Variants in SOX9 observed in about 807,000 individuals in gnomAD.
SOX9 encodes the protein SRY-box transcription factor 9, also known as transcription factor SOX-9.
In SOX9, 2 loss-of-function variants were observed where a neutral mutation model predicts 44.8. That is an observed-to-expected ratio of 0.04 (90% CI 0.02 to 0.14). The LOEUF is 0.14. Among genes scored for constraint, SOX9 ranks in the 10% least tolerant of loss-of-function variants. The pLI is 1.00. For missense variants in SOX9, 583 were observed against 728.6 expected (o/e 0.80, Z 2.30); for synonymous variants, 381 against 331.8 (o/e 1.15, Z -1.61).
rs2143250793 is a variant in SOX9 at position 72,123,613 on chromosome 17, G to C, written c.756G>C (p.Leu252=). 6.2e-7 allele frequency: 1 copy of C among 1,613,566 alleles called. No homozygotes were observed. The highest frequency in any genetic ancestry group is 1.3e-5 in the African/African-American group (1 of 74,804). ...ACGTGCAGCCGGGCAAGGCTGACCT[G>C]AAGCGAGAGGGGCGCCCCTTGCCAG... The part of the protein sequence containing the change: ...KTDVQPGKAD[L]KREGRPLPEG... Residue 252 remains leucine (L), a synonymous_variant, in exon 3 of 3, where the codon CTG becomes CTC. Coordinates refer to ENST00000245479, the MANE Select transcript of SOX9 (RefSeq NM_000346.4). This position sits in a 1 kb window ranked among gnomAD's most constrained non-coding sequence, Gnocchi z 6.5.
At position 72,123,668 on chromosome 17, in the gene SOX9, C is replaced by G. The variant is rs771635102; in HGVS notation, c.811C>G (p.Arg271Gly). ...GGGCAGACAGCCCCCTATCGACTTCCGCGACGTGGACATCGGCGAGCTGAG... is the reference window on the plus strand; with the variant it reads ...GGGCAGACAGCCCCCTATCGACTTCGGCGACGTGGACATCGGCGAGCTGAG... ...EGGRQPPIDF[R>G]DVDIGELSSD... The change falls in exon 3 of 3, where the codon CGC (arginine) becomes GGC (glycine). Residue 271 changes from arginine (R) to glycine (G), a missense_variant. Transcript: ENST00000245479. This position sits in a 1 kb window ranked among gnomAD's most constrained non-coding sequence, Gnocchi z 6.5. The G allele has an allele frequency of 1.2e-6, 2 of 1,613,992 alleles. No homozygotes were observed. Among genetic ancestry groups the G allele is most frequent in the Non-Finnish European group, 1.7e-6 (2 of 1,180,016 alleles).
intron 1 of SOX9, among the ~76,000 whole-genome samples, chr17:72,122,487 A>C: frequency 1.3e-4 from 1 of 7,822 alleles, no homozygotes; most frequent in Non-Finnish European, 2.3e-4. Context: ...AGGGGAGGGG[A>C]GGGAGGGGGC....
chr17:72,124,579 C>T lies in SOX9; in HGVS notation c.*192C>T, dbSNP rs1484269392. The T allele has an allele frequency of 1.4e-5, 10 of 722,224 alleles. No homozygotes were observed. The Admixed American group carries it at 1.6e-4, about 11-fold the overall frequency. The allele number at this position is 722,224 out of a possible 1,614,324, so 44.7% of individuals were successfully genotyped here. A position where few individuals can be genotyped will look rare whatever the true frequency, so the allele number is the denominator to read the frequency against. On this transcript the variant is annotated 3_prime_UTR_variant, in exon 3 of 3. Coordinates refer to ENST00000245479, the MANE Select transcript of SOX9 (RefSeq NM_000346.4). This position sits in a 1 kb window ranked among gnomAD's most constrained non-coding sequence, Gnocchi z 4.6. ...AACTCGTACCCAAATTTCCAAGACA[C>T]AAACATGACCTATCCAAGCGCATTA...
rs1024983537 is a variant in SOX9 at position 72,124,450 on chromosome 17, G to C, written c.*63G>C. 1.9e-6 allele frequency: 3 copies of C among 1,559,234 alleles called. No individual in the cohort carries two copies. The highest frequency in any genetic ancestry group is 2.6e-6 in the Non-Finnish European group (3 of 1,143,178). ...TCCTAAAAATAACCGAAGAAAGAGAGGACCAACCAGAATTCCCTTTGGACA... is the reference window on the plus strand; with the variant it reads ...TCCTAAAAATAACCGAAGAAAGAGACGACCAACCAGAATTCCCTTTGGACA... On this transcript the variant is annotated 3_prime_UTR_variant, in exon 3 of 3. Coordinates refer to ENST00000245479, the MANE Select transcript of SOX9 (RefSeq NM_000346.4). The surrounding 1 kb of genome is among the most constrained non-coding windows in gnomAD (Gnocchi z 4.6).
In SOX9 at chr17:72,121,526, C is replaced by T. The variant is rs1020377102; in HGVS notation, c.135C>T (p.Asn45=). The T allele has an allele frequency of 1.2e-6, 2 of 1,608,884 alleles. No homozygotes were observed. Among genetic ancestry groups the T allele is most frequent in the East Asian group, 2.2e-5 (1 of 44,696 alleles). Residue 45 remains asparagine, a synonymous_variant, in exon 1 of 3, where the codon AAC becomes AAT. Transcript: ENST00000245479. The surrounding 1 kb of genome is among the most constrained non-coding windows in gnomAD (Gnocchi z 8.3). ...CPSGSGSDTE[N]TRPQENTFPK... Reference sequence around the variant, plus strand: ...CGGGCTCCGGCTCGGACACCGAGAACACGCGGCCCCAGGAGAACACGTTCC... The same window carrying T: ...CGGGCTCCGGCTCGGACACCGAGAATACGCGGCCCCAGGAGAACACGTTCC...
chr17:72,124,320 C>A lies in SOX9; in HGVS notation c.1463C>A (p.Ser488Tyr). 2 of 1,604,814 alleles carry A rather than the reference C, an allele frequency of 1.2e-6. No individual in the cohort carries two copies. Among genetic ancestry groups the A allele is most frequent in the Non-Finnish European group, 8.5e-7 (1 of 1,179,968 alleles). Residue 488 changes from serine to tyrosine, a missense_variant, in exon 3 of 3, where the codon TCC becomes TAC. Transcript: ENST00000245479. The surrounding 1 kb of genome is among the most constrained non-coding windows in gnomAD (Gnocchi z 4.6). The part of the protein sequence containing the change: ...TPIADTSGVP[S>Y]IPQTHSPQHW... ...ATCGCCGACACCTCTGGGGTCCCTTCCATCCCGCAGACCCACAGCCCCCAG... is the reference window on the plus strand; with the variant it reads ...ATCGCCGACACCTCTGGGGTCCCTTACATCCCGCAGACCCACAGCCCCCAG...
Position 72,121,849 on chromosome 17 carries a change from A to C in SOX9, c.431+27A>C. On this transcript the variant is annotated intron_variant, in intron 1 of 2. Transcript: ENST00000245479. This position sits in a 1 kb window ranked among gnomAD's most constrained non-coding sequence, Gnocchi z 8.3. ...TAGGACCCGGCGGGGGCGGCGCGGC[A>C]GGGTGGGCATCGCGGCGGCTGGGGG... 6.5e-7 allele frequency: 1 copy of C among 1,528,734 alleles called. No homozygotes were observed. Among genetic ancestry groups the C allele is most frequent in the Non-Finnish European group, 8.8e-7 (1 of 1,137,666 alleles). The allele number at this position is 1,528,734 out of a possible 1,614,324, so 94.7% of individuals were successfully genotyped here.
Position 72,122,712 on chromosome 17 carries a change from C to T in SOX9, c.432-7C>T, listed in dbSNP as rs1908139005. On this transcript the variant is annotated splice_region_variant and splice_polypyrimidine_tract_variant and intron_variant, in intron 1 of 2. Transcript: ENST00000245479. ...TTTCTCTGTGCCCCCCGCCCCGCCC[C>T]GAGCAGACTTCTGAACGAGAGCGAG... 6.2e-7 allele frequency: 1 copy of T among 1,613,744 alleles called. No homozygotes were observed. The highest frequency in any genetic ancestry group is 8.5e-7 in the Non-Finnish European group (1 of 1,179,884).
Position 72,124,198 on chromosome 17 carries a change from C to G in SOX9, c.1341C>G (p.Asn447Lys), listed in dbSNP as rs2143257022. The G allele has an allele frequency of 6.2e-7, 1 of 1,613,950 alleles. No homozygotes were observed. Among genetic ancestry groups the G allele is most frequent in the Non-Finnish European group, 8.5e-7 (1 of 1,180,034 alleles). Residue 447 changes from asparagine to lysine, a missense_variant, in exon 3 of 3, where the codon AAC (asparagine) becomes AAG (lysine). By Grantham distance (94) the Asn-to-Lys change is moderately conservative. Transcript: ENST00000245479. This position sits in a 1 kb window ranked among gnomAD's most constrained non-coding sequence, Gnocchi z 4.6. Reference protein sequence around the residue: ...RSQYDYTDHQNSSSYYSHAAG... With the variant: ...RSQYDYTDHQKSSSYYSHAAG... ...AGTACGACTACACCGACCACCAGAA[C>G]TCCAGCTCCTACTACAGCCACGCGG...
chr17:72,126,362 CTCT>C lies in SOX9; in HGVS notation c.*1977_*1979del, dbSNP rs1414083505. 4 of 188,924 alleles carry C rather than the reference CTCT, an allele frequency of 2.1e-5. No individual in the cohort carries two copies. The highest frequency in any genetic ancestry group is 7.8e-5 in the East Asian group (1 of 12,894). The allele number at this position is 188,924 out of a possible 1,614,324, so 11.7% of individuals were successfully genotyped here. Reference sequence around the variant, plus strand: ...GAAACTTACCTTTCCCTTTTTCTTTCTCTTTTTTTTTTTTGTATATTATTGTTT... The same window carrying C: ...GAAACTTACCTTTCCCTTTTTCTTTCTTTTTTTTTTTGTATATTATTGTTT... On this transcript the variant is annotated 3_prime_UTR_variant, in exon 3 of 3. Transcript: ENST00000245479.
In SOX9 at chr17:72,121,522, A is replaced by G. The variant is rs2143237404; in HGVS notation, c.131A>G (p.Glu44Gly). The part of the protein sequence containing the change: ...PCPSGSGSDT[E>G]NTRPQENTFP... ...CCGTCGGGCTCCGGCTCGGACACCG[A>G]GAACACGCGGCCCCAGGAGAACACG... Residue 44 changes from glutamate (E) to glycine (G), a missense_variant, in exon 1 of 3, where the codon GAG becomes GGG. Coordinates refer to ENST00000245479, the MANE Select transcript of SOX9 (RefSeq NM_000346.4). The surrounding 1 kb of genome is among the most constrained non-coding windows in gnomAD (Gnocchi z 8.3). 1 of 1,609,434 alleles carries G rather than the reference A, an allele frequency of 6.2e-7. No individual in the cohort carries two copies. The highest frequency in any genetic ancestry group is 8.5e-7 in the Non-Finnish European group (1 of 1,178,560).
chr17:72,121,447 C>G lies in SOX9; in HGVS notation c.56C>G (p.Ser19Cys). ...KMTDEQEKGL[S>C]GAPSPTMSED... ...ACCGACGAGCAGGAGAAGGGCCTGT[C>G]CGGCGCCCCCAGCCCCACCATGTCC... The change falls in exon 1 of 3, where the codon TCC becomes TGC. Residue 19 changes from serine (S) to cysteine (C), a missense_variant. By Grantham distance (112) the Ser-to-Cys change is moderately radical (BLOSUM62 -1). Around this residue, in one of 7 missense-constraint regions of SOX9, gnomAD observed 101 missense variants for 98.6 expected, o/e 1.02. Transcript: ENST00000245479. The surrounding 1 kb of genome is among the most constrained non-coding windows in gnomAD (Gnocchi z 8.3). 1.2e-6 allele frequency: 2 copies of G among 1,612,786 alleles called. No homozygotes were observed. The highest frequency in any genetic ancestry group is 1.7e-6 in the Non-Finnish European group (2 of 1,179,794).
rs1381147596 is a variant in SOX9 at position 72,121,968 on chromosome 17, G to T, written c.431+146G>T. On this transcript the variant is annotated intron_variant, in intron 1 of 2. Transcript: ENST00000245479. The surrounding 1 kb of genome is among the most constrained non-coding windows in gnomAD (Gnocchi z 8.3). ...GGGATGGGGTTGGGAGTGGGAATGG[G>T]GTGTAACTGTGGCTCAGAGTTTGAC... The T allele has an allele frequency of 2.0e-6, 2 of 1,020,724 alleles. No individual in the cohort carries two copies. The highest frequency in any genetic ancestry group is 5.8e-5 in the Admixed American group (2 of 34,286). The allele number at this position is 1,020,724 out of a possible 1,614,324, so 63.2% of individuals were successfully genotyped here.
chr17:72,121,526 C>G lies in SOX9; in HGVS notation c.135C>G (p.Asn45Lys), dbSNP rs1020377102. 6.2e-7 allele frequency: 1 copy of G among 1,609,002 alleles called. No homozygotes were observed. Among genetic ancestry groups the G allele is most frequent in the South Asian group, 1.1e-5 (1 of 89,970 alleles). Residue 45 changes from asparagine to lysine, a missense_variant, in exon 1 of 3, where the codon AAC (asparagine) becomes AAG (lysine). By Grantham distance (94) the Asn-to-Lys change is moderately conservative (BLOSUM62 0). Coordinates refer to ENST00000245479, the MANE Select transcript of SOX9 (RefSeq NM_000346.4). The surrounding 1 kb of genome is among the most constrained non-coding windows in gnomAD (Gnocchi z 8.3). ...CPSGSGSDTE[N>K]TRPQENTFPK... ...CGGGCTCCGGCTCGGACACCGAGAACACGCGGCCCCAGGAGAACACGTTCC... is the reference window on the plus strand; with the variant it reads ...CGGGCTCCGGCTCGGACACCGAGAAGACGCGGCCCCAGGAGAACACGTTCC...
Position 72,124,055 on chromosome 17 carries a change from G to A in SOX9, c.1198G>A (p.Glu400Lys), listed in dbSNP as rs2143255405. 6.2e-7 allele frequency: 1 copy of A among 1,612,878 alleles called. No homozygotes were observed. The highest frequency in any genetic ancestry group is 8.5e-7 in the Non-Finnish European group (1 of 1,179,562). The change falls in exon 3 of 3, where the codon GAG (glutamate) becomes AAG (lysine). Residue 400 changes from glutamate (E) to lysine (K), a missense_variant. Transcript: ENST00000245479. This position sits in a 1 kb window ranked among gnomAD's most constrained non-coding sequence, Gnocchi z 4.6. ...GQSQRTHIKTEQLSPSHYSEQ... is the reference protein window; with the variant it reads ...GQSQRTHIKTKQLSPSHYSEQ... ...GTCCCAGCGAACGCACATCAAGACG[G>A]AGCAGCTGAGCCCCAGCCACTACAG...
Position 72,122,776 on chromosome 17 carries a change from G to A in SOX9, c.489G>A (p.Val163=), listed in dbSNP as rs2143245604. 6.2e-7 allele frequency: 1 copy of A among 1,614,108 alleles called. No individual in the cohort carries two copies. The highest frequency in any genetic ancestry group is 8.5e-7 in the Non-Finnish European group (1 of 1,180,010). ...PFVEEAERLR[V]QHKKDHPDYK... is the part of the protein sequence containing the mutation. ...TGGAGGAGGCGGAGCGGCTGCGCGTGCAGCACAAGAAGGACCACCCGGATT... is the reference window on the plus strand; with the variant it reads ...TGGAGGAGGCGGAGCGGCTGCGCGTACAGCACAAGAAGGACCACCCGGATT... Residue 163 remains valine, a synonymous_variant, in exon 2 of 3, where the codon GTG becomes GTA. Transcript: ENST00000245479.
In SOX9 at chr17:72,123,885, C is replaced by T. The variant is rs1258787580; in HGVS notation, c.1028C>T (p.Pro343Leu). 1.3e-6 allele frequency: 2 copies of T among 1,490,846 alleles called. No individual in the cohort carries two copies. The highest frequency in any genetic ancestry group is 2.1e-5 in the Admixed American group (1 of 47,148). 92.4% of individuals were successfully genotyped at this position (1,490,846 alleles called of 1,614,324 possible). The change falls in exon 3 of 3, where the codon CCG becomes CTG. Residue 343 changes from proline (P) to leucine (L), a missense_variant. Pro to Leu is a moderately conservative substitution (Grantham distance 98, BLOSUM62 -3). Coordinates refer to ENST00000245479, the MANE Select transcript of SOX9 (RefSeq NM_000346.4). This position sits in a 1 kb window ranked among gnomAD's most constrained non-coding sequence, Gnocchi z 6.5. ...TGGATGTCCAAGCAGCAGGCGCCGC[C>T]GCCACCCCCGCAGCAGCCCCCACAG... ...HVWMSKQQAP[P>L]PPPQQPPQAP...
Position 72,125,233 on chromosome 17 carries a change from G to A in SOX9, c.*846G>A, listed in dbSNP as rs949892285. On this transcript the variant is annotated 3_prime_UTR_variant, in exon 3 of 3. Transcript: ENST00000245479. Reference sequence around the variant, plus strand: ...TTTTTAAAGAAGAGAAAAACACCTTGAGCCTTAAAACGGTGCTGCTGGGAA... The same window carrying A: ...TTTTTAAAGAAGAGAAAAACACCTTAAGCCTTAAAACGGTGCTGCTGGGAA... 1 of 228,546 alleles carries A rather than the reference G, an allele frequency of 4.4e-6. No homozygotes were observed. Among genetic ancestry groups the A allele is most frequent in the African/African-American group, 2.2e-5 (1 of 45,036 alleles). The allele number at this position is 228,546 out of a possible 1,614,324, so 14.2% of individuals were successfully genotyped here. A position where few individuals can be genotyped will look rare whatever the true frequency, so the allele number is the denominator to read the frequency against.
rs1319508171 is a variant in SOX9 at position 72,123,925 on chromosome 17, G to T, written c.1068G>T (p.Pro356=). 1.6e-6 allele frequency: 2 copies of T among 1,289,948 alleles called. No homozygotes were observed. Among genetic ancestry groups the T allele is most frequent in the Non-Finnish European group, 1.9e-6 (2 of 1,026,948 alleles). The allele number at this position is 1,289,948 out of a possible 1,614,324, so 79.9% of individuals were successfully genotyped here. ...AGCCCCCACAGGCCCCGCCGGCCCC[G>T]CAGGCGCCCCCGCAGCCGCAGGCGG... ...PQQPPQAPPA[P]QAPPQPQAAP... Residue 356 remains proline, a synonymous_variant, in exon 3 of 3, where the codon CCG becomes CCT. Transcript: ENST00000245479. This position sits in a 1 kb window ranked among gnomAD's most constrained non-coding sequence, Gnocchi z 6.5.
Sources: allele counts gnomAD v4.1 joint callset (sites outside exome capture counted in the v4.1 genomes callset), GRCh38; gene constraint gnomAD v4.1.1; regional missense constraint gnomAD v4.1.1; non-coding constraint Gnocchi (gnomAD v3.1); transcripts MANE v1.5; gene names NCBI Gene and HGNC (gene_info 2026-07-23, HGNC 2026-07-21).